The following PLD5 variants were observed in gnomAD, a reference collection of about 807,000 sequenced individuals.
The protein encoded by PLD5 is phospholipase D family member 5.
In PLD5, 36 loss-of-function variants were observed where a neutral mutation model predicts 61.1. The ratio of observed to expected loss-of-function variants is 0.59; its 90% CI spans 0.45 to 0.78. The LOEUF is 0.78. Among genes scored for constraint, PLD5 ranks in the 30% least tolerant of loss-of-function variants. The pLI, the probability that PLD5 is intolerant of heterozygous loss-of-function variation, is 0.00. For synonymous variants in PLD5, 243 were observed against 242.8 expected, an observed-to-expected ratio of 1.00 and a Z score of -0.01; for missense variants, 515 against 644.4, an observed-to-expected ratio of 0.80 and a Z score of 2.17.
intron 5 of PLD5, among the ~76,000 whole-genome samples, chr1:242,217,716 C>T (rs1050591490): frequency 2.6e-5 from 4 of 152,128 alleles, no homozygotes; most frequent in Admixed American, 1.3e-4. Context: ...TCATGGATGA[C>T]TCTGAGGGGT....
At chr1:242,440,580 T>C (rs1189360247) in intron 1 of PLD5, among the ~76,000 whole-genome samples, 1 of 152,250 alleles carries the variant, frequency 6.6e-6, no homozygotes, top group East Asian at 1.9e-4. Flanking sequence ...GCGGACCATA[T>C]GAAGAGCAAA....
chr1:242,299,126 T>G (rs1208035562), intron 2 of PLD5, among the ~76,000 whole-genome samples: 1 of 152,142 alleles, frequency 6.6e-6, no homozygotes, highest in Non-Finnish European at 1.5e-5. Flanking sequence ...AAAAATTTTT[T>G]TTAATATTTT....
At position 242,194,664 on chromosome 1, in the gene PLD5, A is replaced by ATCTATCTATCTG. The variant is rs1558329022; in HGVS notation, c.735+25323_735+25324insCAGATAGATAGA. ...TATCTATCTATCTATCTATCTATCT[A>ATCTATCTATCTG]TCTACCTATCTATGATAGAATACTA... On this transcript the variant is annotated intron_variant, in intron 5 of 9. Transcript: ENST00000536534. Among the ~76,000 whole-genome samples the ATCTATCTATCTG allele has an allele frequency of 2.7e-3, 412 of 150,654 alleles. 4 individuals are homozygous for ATCTATCTATCTG. The highest frequency in any genetic ancestry group is 9.0e-3 in the African/African-American group (367 of 40,792).
chr1:242,448,304 C>T (rs2810038), intron 1 of PLD5, among the ~76,000 whole-genome samples: 55,434 of 151,886 alleles, frequency 0.36, 10,391 homozygotes, highest in Admixed American at 0.44. Flanking sequence ...TTCTGAGTTG[C>T]TGGAAAGGCA....
chr1:242,128,959 C>T (rs1663019916), intron 5 of PLD5, among the ~76,000 whole-genome samples: 1 of 152,174 alleles, frequency 6.6e-6, no homozygotes, highest in Non-Finnish European at 1.5e-5. Context: ...GGAAGAGGAA[C>T]ATAAAAACGC....
At chr1:242,211,849 A>G (rs533135576) in intron 5 of PLD5, among the ~76,000 whole-genome samples, 2 of 152,350 alleles carry the variant, frequency 1.3e-5, no homozygotes, top group South Asian at 4.1e-4. Flanking sequence ...CTTAACAGAA[A>G]CAGTATATAG....
intron 1 of PLD5, among the ~76,000 whole-genome samples, chr1:242,475,965 C>T (rs1667583598): frequency 6.6e-6 from 1 of 152,240 alleles, no homozygotes; most frequent in Middle Eastern, 3.4e-3. Context: ...TCTTGGACTC[C>T]CAGCCTCCAG....
intron 2 of PLD5, among the ~76,000 whole-genome samples, chr1:242,323,766 T>A (rs1658573594): frequency 6.6e-6 from 1 of 152,202 alleles, no homozygotes; most frequent in African/African-American, 2.4e-5. Context: ...AAAAAAATTT[T>A]ATATTTTTAC....
intron 5 of PLD5, among the ~76,000 whole-genome samples, chr1:242,198,599 C>T (rs1002839740): frequency 6.7e-6 from 1 of 150,000 alleles, no homozygotes; most frequent in African/African-American, 2.5e-5. Flanking sequence ...AACAAGACTG[C>T]CACTAGTCAC....
Position 242,094,527 on chromosome 1 carries a change from A to G in PLD5, c.1355-4417T>C, listed in dbSNP as rs568694270. 4.1e-4 allele frequency among the ~76,000 whole-genome samples: 62 copies of G among 152,286 alleles called. 1 individual carries two copies. The highest frequency in any genetic ancestry group is 1.4e-3 in the African/African-American group (60 of 41,528). Reference sequence around the variant, plus strand: ...CAGTGATGACTTAGGAGATCAGAACATGCTGATAATTATTTAAATTATTGA... The same window carrying G: ...CAGTGATGACTTAGGAGATCAGAACGTGCTGATAATTATTTAAATTATTGA... On this transcript the variant is annotated intron_variant, in intron 9 of 9. Coordinates refer to ENST00000536534, the MANE Select transcript of PLD5 (RefSeq NM_001372062.1).
In PLD5 at chr1:242,256,367, C is replaced by T. The variant is rs1270114931; in HGVS notation, c.607+8970G>A. On this transcript the variant is annotated intron_variant, in intron 4 of 9. Transcript: ENST00000536534. This position sits in a 1 kb window ranked among gnomAD's most constrained non-coding sequence, Gnocchi z 5.7. ...GAGAAAAATCTGAAGATCTATTTCTCTATCTGATTTGAATGTCCCTCAAGA... is the reference window on the plus strand; with the variant it reads ...GAGAAAAATCTGAAGATCTATTTCTTTATCTGATTTGAATGTCCCTCAAGA... Among the ~76,000 whole-genome samples, 1 of 152,206 alleles carries T rather than the reference C, an allele frequency of 6.6e-6. No individual in the cohort carries two copies. The highest frequency in any genetic ancestry group is 2.4e-5 in the African/African-American group (1 of 41,460).
intron 1 of PLD5, among the ~76,000 whole-genome samples, chr1:242,451,375 G>T (rs900336433): frequency 1.3e-5 from 2 of 151,702 alleles, no homozygotes; most frequent in Non-Finnish European, 2.9e-5. Flanking sequence ...GACACTTCTT[G>T]GATGCCACTG....
chr1:242,489,373 A>AT (rs1668066102), intron 1 of PLD5, among the ~76,000 whole-genome samples: 1 of 108,012 alleles, frequency 9.3e-6, no homozygotes, highest in South Asian at 3.0e-4. Context: ...GATACATTTG[A>AT]TTAAAAAAAA....
intron 5 of PLD5, among the ~76,000 whole-genome samples, chr1:242,212,526 G>A (rs1396800898): frequency 2.0e-5 from 3 of 152,230 alleles, no homozygotes; most frequent in Non-Finnish European, 2.9e-5. Context: ...TGAGGAGCCA[G>A]GCCCAGCATG....
intron 4 of PLD5, among the ~76,000 whole-genome samples, chr1:242,230,133 A>G (rs1348841827): frequency 6.6e-6 from 1 of 152,116 alleles, no homozygotes; most frequent in East Asian, 1.9e-4. Flanking sequence ...TCAGCTCACA[A>G]TGTTGACAGC....
chr1:242,310,702 AG>A (rs1455327503), intron 2 of PLD5, among the ~76,000 whole-genome samples: 2 of 152,220 alleles, frequency 1.3e-5, no homozygotes, highest in Admixed American at 1.3e-4. Context: ...AGAAAATAAC[AG>A]AATTAAGGAA....
intron 1 of PLD5, among the ~76,000 whole-genome samples, chr1:242,393,572 A>G (rs181502785): frequency 3.2e-5 from 3 of 93,734 alleles, no homozygotes; most frequent in South Asian, 4.2e-4. Context: ...ATATATGTGT[A>G]TATATATGAG....
chr1:242,285,659 G>A (rs1327722933), intron 3 of PLD5, among the ~76,000 whole-genome samples: 1 of 151,566 alleles, frequency 6.6e-6, no homozygotes, highest in African/African-American at 2.4e-5. Context: ...GCTTGCAATA[G>A]TACCACCTGC....
Position 242,256,779 on chromosome 1 carries a change from T to G in PLD5, c.607+8558A>C, listed in dbSNP as rs1673052332. Among the ~76,000 whole-genome samples the G allele has an allele frequency of 1.3e-5, 2 of 151,912 alleles. 1 individual carries two copies. The highest frequency in any genetic ancestry group is 4.2e-4 in the South Asian group (2 of 4,816). ...CTATCTATCTATCTATCTATCTATCTATCTATCTATCTATCTATTAATATC... is the reference window on the plus strand; with the variant it reads ...CTATCTATCTATCTATCTATCTATCGATCTATCTATCTATCTATTAATATC... On this transcript the variant is annotated intron_variant, in intron 4 of 9. Coordinates refer to ENST00000536534, the MANE Select transcript of PLD5 (RefSeq NM_001372062.1). The surrounding 1 kb of genome is among the most constrained non-coding windows in gnomAD (Gnocchi z 5.7).
Sources: allele counts gnomAD v4.1 joint callset (sites outside exome capture counted in the v4.1 genomes callset), GRCh38; gene constraint gnomAD v4.1.1; non-coding constraint Gnocchi (gnomAD v3.1); transcripts MANE v1.5; gene names NCBI Gene and HGNC (gene_info 2026-07-23, HGNC 2026-07-21).